WWC2: variants seen among roughly 807,000 people sequenced by gnomAD.
The protein encoded by WWC2 is protein WWC2.
WWC2 carries 101 observed loss-of-function variants against 138.5 expected under a neutral mutation model. The ratio of observed to expected loss-of-function variants is 0.73; its 90% CI spans 0.62 to 0.86. The LOEUF (loss-of-function observed/expected upper bound fraction) is 0.86. Among genes scored for constraint, WWC2 ranks in the 40% least tolerant of loss-of-function variants. The probability of loss-of-function intolerance (pLI) is 0.00; values close to 1 mark genes in which losing one functional copy is unlikely to be tolerated. For synonymous variants in WWC2, 558 were observed against 538.4 expected (o/e 1.04, Z -0.50); for missense variants, 1,420 against 1,419.4 (o/e 1.00, Z -0.01).
chr4:183,282,685 GT>G, intron 17 of WWC2, 22 bp from the exon 18 acceptor site: 2 of 1,554,900 alleles, frequency 1.3e-6, no homozygotes, highest in African/African-American at 1.4e-5. Context: ...TACCAAAAGT[GT>G]TTTGTTTTTG....
rs1456702615 is a variant in WWC2, at chr4:183,318,840, T to G, written c.*3111T>G. 6.6e-6 allele frequency: 1 copy of G among 152,172 alleles called. No individual in the cohort carries two copies. Among genetic ancestry groups the G allele is most frequent in the Non-Finnish European group, 1.5e-5 (1 of 68,088 alleles). 9.4% of individuals were successfully genotyped at this position (152,172 alleles called of 1,614,324 possible). On this transcript the variant is annotated 3_prime_UTR_variant, in exon 23 of 23. Coordinates refer to ENST00000403733, the MANE Select transcript of WWC2 (RefSeq NM_024949.6). ...GAGGTTATCTACCCACACACCCCAG[T>G]CCTGCCCTGCCGTGCCCCCCACAGG...
At chr4:183,261,849 G>A (rs899807306) in intron 11 of WWC2, among the ~76,000 whole-genome samples, 1 of 152,186 alleles carries the variant, frequency 6.6e-6, no homozygotes, top group African/African-American at 2.4e-5. Context: ...TTCTGAAATA[G>A]CAAGGCAAAG....
intron 1 of WWC2, among the ~76,000 whole-genome samples, chr4:183,181,104 TTAACTA>T (rs1171828421): frequency 6.6e-6 from 1 of 152,206 alleles, no homozygotes; most frequent in Non-Finnish European, 1.5e-5. Context: ...CTGCATATAA[TTAACTA>T]TAGTATATAG....
chr4:183,313,128 C>T (rs7658725), intron 22 of WWC2, among the ~76,000 whole-genome samples: 37,117 of 151,946 alleles, frequency 0.24, 5,338 homozygotes, highest in Middle Eastern at 0.42. Context: ...GACATTGAGG[C>T]GGGAAGAACA....
At chr4:183,174,924 G>A (rs1734417295) in intron 1 of WWC2, among the ~76,000 whole-genome samples, 1 of 151,852 alleles carries the variant, frequency 6.6e-6, no homozygotes, top group African/African-American at 2.4e-5. Flanking sequence ...AACATTTGAA[G>A]GTAAGGTACA....
At chr4:183,150,632 A>G (rs1004472534) in intron 1 of WWC2, among the ~76,000 whole-genome samples, 1 of 152,090 alleles carries the variant, frequency 6.6e-6, no homozygotes, top group Non-Finnish European at 1.5e-5. Context: ...TGCGCCCATT[A>G]ACTCGTCATT....
intron 1 of WWC2, among the ~76,000 whole-genome samples, chr4:183,131,530 C>T (rs928724596): frequency 3.3e-5 from 5 of 152,052 alleles, no homozygotes; most frequent in African/African-American, 9.7e-5. Context: ...TGTTCATCTT[C>T]TTATTGGTTT....
intron 1 of WWC2, among the ~76,000 whole-genome samples, chr4:183,188,673 C>G (rs1396531730): frequency 2.4e-4 from 28 of 117,804 alleles, no homozygotes; most frequent in African/African-American, 9.2e-4. Context: ...GAGACGAAGT[C>G]TCGCTCTTGT....
chr4:183,268,692 T>C (rs1470812129), intron 14 of WWC2, among the ~76,000 whole-genome samples: 1 of 152,156 alleles, frequency 6.6e-6, no homozygotes, highest in African/African-American at 2.4e-5. Context: ...GCCCTACGGA[T>C]TTTCTTCCTC....
At chr4:183,278,183 G>C (rs1312759430) in intron 16 of WWC2, among the ~76,000 whole-genome samples, 1 of 151,892 alleles carries the variant, frequency 6.6e-6, no homozygotes, top group East Asian at 1.9e-4. Flanking sequence ...TCCAGTTTCA[G>C]CTTTCTCCAT....
intron 1 of WWC2, among the ~76,000 whole-genome samples, chr4:183,117,824 G>A (rs1732465194): frequency 6.7e-6 from 1 of 148,898 alleles, no homozygotes; most frequent in South Asian, 2.1e-4. Context: ...GTCTCGCTCT[G>A]TCGCCCAGGC....
intron 4 of WWC2, chr4:183,233,984 C>T (rs181008880): frequency 3.8e-4 from 58 of 152,294 alleles, no homozygotes; most frequent in African/African-American, 1.3e-3. Context: ...CCATTTTGCT[C>T]GTTAGAACTT....
At chr4:183,305,205 C>T (rs1172683990) in intron 21 of WWC2, among the ~76,000 whole-genome samples, 3 of 151,926 alleles carry the variant, frequency 2.0e-5, no homozygotes, top group African/African-American at 7.3e-5. Flanking sequence ...ACTTTCAAAA[C>T]TGCATAGCAA....
chr4:183,144,405 T>C (rs1326504211), intron 1 of WWC2, among the ~76,000 whole-genome samples: 1 of 152,152 alleles, frequency 6.6e-6, no homozygotes, highest in East Asian at 1.9e-4. Context: ...ACTGCATTTT[T>C]TTTTATTTAA....
At chr4:183,233,273 C>G (rs1418909085) in intron 4 of WWC2, among the ~76,000 whole-genome samples, 1 of 148,410 alleles carries the variant, frequency 6.7e-6, no homozygotes, top group East Asian at 2.1e-4. Context: ...TGTCCTGCCT[C>G]TGCCTCCCAA....
intron 1 of WWC2, among the ~76,000 whole-genome samples, chr4:183,146,356 T>A (rs1579984951): frequency 6.6e-6 from 1 of 152,240 alleles, no homozygotes; most frequent in South Asian, 2.1e-4. Context: ...GGAATATGGA[T>A]CACTAGGACC....
Position 183,245,530 on chromosome 4 carries a change from A to G in WWC2, c.717A>G (p.Lys239=), listed in dbSNP as rs143118613. 2 of 1,593,500 alleles carry G rather than the reference A, an allele frequency of 1.3e-6. No individual in the cohort carries two copies. The highest frequency in any genetic ancestry group is 1.7e-6 in the Non-Finnish European group (2 of 1,173,180). The change falls in exon 6 of 23, where the codon AAA becomes AAG. Residue 239 remains lysine, a synonymous_variant. Transcript: ENST00000403733. Reference sequence around the variant, plus strand: ...CAATTAGCTCAGGAGAAAAAGAAAAACAAGATCTGATGCAGGTACATTATA... The same window carrying G: ...CAATTAGCTCAGGAGAAAAAGAAAAGCAAGATCTGATGCAGGTACATTATA... ...RKAISSGEKE[K]QDLMQSLAKL...
At chr4:183,199,462 AT>A (rs1430275110) in intron 2 of WWC2, among the ~76,000 whole-genome samples, 2 of 152,112 alleles carry the variant, frequency 1.3e-5, no homozygotes, top group Non-Finnish European at 2.9e-5. Flanking sequence ...CTATGTCACT[AT>A]TTCTTCTACA....
chr4:183,162,616 C>G (rs981154965), intron 1 of WWC2, among the ~76,000 whole-genome samples: 7 of 152,072 alleles, frequency 4.6e-5, no homozygotes, highest in African/African-American at 1.7e-4. Flanking sequence ...TCTTCATCTT[C>G]CCTCTTTTCT....
Sources: gnomAD v4.1 joint callset for allele counts (sites outside exome capture counted in the v4.1 genomes callset) on GRCh38, gnomAD v4.1.1 for gene constraint, MANE v1.5 for transcripts, NCBI Gene and HGNC (gene_info 2026-07-23, HGNC 2026-07-21) for gene names.